The following ARB2A variants were observed in gnomAD, a reference collection of about 807,000 sequenced individuals.
ARB2A encodes cotranscriptional regulator ARB2A.
chr5:94,077,654 A>G, the ARB2A span, among the ~76,000 whole-genome samples: 1 of 152,188 alleles, frequency 6.6e-6, no homozygotes, highest in African/African-American at 2.4e-5. Flanking sequence ...AGCTGTTGGC[A>G]CATTTGATAT....
At chr5:93,867,730 G>T in the ARB2A span, among the ~76,000 whole-genome samples, 3 of 151,982 alleles carry the variant, frequency 2.0e-5, no homozygotes, top group Non-Finnish European at 4.4e-5. Context: ...AGGAGAACAA[G>T]AATTAAGGAA....
the ARB2A span, among the ~76,000 whole-genome samples, chr5:93,930,400 A>G: frequency 6.6e-6 from 1 of 152,194 alleles, no homozygotes; most frequent in African/African-American, 2.4e-5. Flanking sequence ...TCTCGTGTAT[A>G]ATACTCCTGA....
the ARB2A span, among the ~76,000 whole-genome samples, chr5:93,809,155 C>A: frequency 6.6e-6 from 1 of 151,932 alleles, no homozygotes; most frequent in Non-Finnish European, 1.5e-5. Flanking sequence ...GAAAATCAGT[C>A]CTCTACTGTA....
chr5:93,804,233 A>G, the ARB2A span, among the ~76,000 whole-genome samples: 1 of 152,008 alleles, frequency 6.6e-6, no homozygotes, highest in South Asian at 2.1e-4. Context: ...GATTCTCATA[A>G]AATGCTTAAA....
At chr5:93,742,590 A>G in the ARB2A span, among the ~76,000 whole-genome samples, 1 of 152,108 alleles carries the variant, frequency 6.6e-6, no homozygotes, top group African/African-American at 2.4e-5. Flanking sequence ...GAGCACAATG[A>G]CCTTGGCTAG....
the ARB2A span, among the ~76,000 whole-genome samples, chr5:93,650,095 A>ATAAGTT: frequency 6.6e-6 from 1 of 152,148 alleles, no homozygotes; most frequent in East Asian, 1.9e-4. Flanking sequence ...TAGAAAACAT[A>ATAAGTT]AAAAATTGAA....
chr5:93,770,714 GA>G, the ARB2A span, among the ~76,000 whole-genome samples: 5 of 152,252 alleles, frequency 3.3e-5, no homozygotes, highest in Admixed American at 1.3e-4. Flanking sequence ...TTGCTTCAAA[GA>G]GAATAAAATA....
chr5:93,618,046 G>A, the ARB2A span: 1 of 151,960 alleles, frequency 6.6e-6, no homozygotes, highest in Non-Finnish European at 1.5e-5. Flanking sequence ...GAATTCTTCT[G>A]AGCAAGAATA....
the ARB2A span, among the ~76,000 whole-genome samples, chr5:93,949,701 T>G: frequency 6.6e-6 from 1 of 152,118 alleles, no homozygotes; most frequent in African/African-American, 2.4e-5. Context: ...CATTGCTGAC[T>G]GCAATCACTC....
At chr5:94,029,470 T>C in the ARB2A span, among the ~76,000 whole-genome samples, 3 of 152,192 alleles carry the variant, frequency 2.0e-5, no homozygotes, top group African/African-American at 7.2e-5. Flanking sequence ...GTTATTTAAC[T>C]TTTCATCTAT....
chr5:93,618,047 A>G, the ARB2A span: 2 of 152,174 alleles, frequency 1.3e-5, no homozygotes, highest in East Asian at 3.8e-4. Flanking sequence ...AATTCTTCTG[A>G]GCAAGAATAA....
chr5:93,782,549 G>C, the ARB2A span, among the ~76,000 whole-genome samples: 1 of 152,058 alleles, frequency 6.6e-6, no homozygotes, highest in Non-Finnish European at 1.5e-5. Context: ...ATTTTGAATA[G>C]GCAAACCATT....
At chr5:93,738,391 T>G in the ARB2A span, 6 of 152,572 alleles carry the variant, frequency 3.9e-5, no homozygotes, top group East Asian at 1.2e-3. Flanking sequence ...GTTTGGTAGT[T>G]TCCCAAAAAG....
chr5:93,800,299 A>G, the ARB2A span, among the ~76,000 whole-genome samples: 1 of 151,806 alleles, frequency 6.6e-6, no homozygotes, highest in Non-Finnish European at 1.5e-5. Context: ...TAAAATCTGC[A>G]AGAATACTTT....
chr5:93,968,588 G>T, the ARB2A span, among the ~76,000 whole-genome samples: 3 of 151,996 alleles, frequency 2.0e-5, no homozygotes, highest in Non-Finnish European at 2.9e-5. Context: ...CACACAAGGT[G>T]TAACTTATGC....
the ARB2A span, among the ~76,000 whole-genome samples, chr5:93,985,007 C>T: frequency 1.3e-5 from 2 of 152,222 alleles, no homozygotes; most frequent in Admixed American, 1.3e-4. Flanking sequence ...CTATCTCCTA[C>T]AGGAAATCTT....
the ARB2A span, among the ~76,000 whole-genome samples, chr5:94,039,771 A>C: frequency 6.6e-6 from 1 of 152,140 alleles, no homozygotes; most frequent in Non-Finnish European, 1.5e-5. Flanking sequence ...AAGGGACTAT[A>C]GTGCAGAAAC....
At chr5:93,873,238 G>T in the ARB2A span, among the ~76,000 whole-genome samples, 2 of 146,986 alleles carry the variant, frequency 1.4e-5, no homozygotes, top group South Asian at 4.6e-4. Flanking sequence ...ACTACAGTGA[G>T]TTATGATGTC....
chr5:93,897,027 G>T, the ARB2A span, among the ~76,000 whole-genome samples: 3 of 151,906 alleles, frequency 2.0e-5, no homozygotes, highest in Non-Finnish European at 4.4e-5. Flanking sequence ...CTTACATCAA[G>T]TTCCTAATAC....
Sources: gnomAD v4.1 joint callset for allele counts (sites outside exome capture counted in the v4.1 genomes callset) on GRCh38, gnomAD v4.1.1 for gene constraint, MANE v1.5 for transcripts, NCBI Gene and HGNC (gene_info 2026-07-23, HGNC 2026-07-21) for gene names.